The following VAMP3 variants were observed in gnomAD, a reference collection of about 807,000 sequenced individuals.
The protein encoded by VAMP3 is vesicle associated membrane protein 3.
In VAMP3, 11 loss-of-function variants were observed where a neutral mutation model predicts 18.1. The ratio of observed to expected loss-of-function variants is 0.61; its 90% CI spans 0.38 to 1.00. VAMP3 has a LOEUF of 1.00. VAMP3 is among the 50% of genes least tolerant of loss of function. VAMP3 has a pLI of 0.01. For synonymous variants in VAMP3, 49 were observed against 43.1 expected (o/e 1.14, Z -0.53); for missense variants, 122 against 127.3 (o/e 0.96, Z 0.20).
In VAMP3 at chr1:7,771,344, A is replaced by G. The variant is rs764013502; in HGVS notation, c.-40A>G. On this transcript the variant is annotated 5_prime_UTR_variant, in exon 1 of 5. Transcript: ENST00000054666. ...CGGTCCCAACTTCGCTTCTCTGCTG[A>G]CCCTCTCTCGTCGCCGCTGCCGCCG... 1.3e-5 allele frequency: 20 copies of G among 1,590,434 alleles called. 1 individual carries two copies. In the South Asian group the frequency reaches 2.1e-4, roughly 17 times the overall value.
In VAMP3 at chr1:7,771,399, C is replaced by T. The variant is rs2097050450; in HGVS notation, c.2+14C>T. The T allele has an allele frequency of 1.3e-6, 2 of 1,578,572 alleles. No homozygotes were observed. Among genetic ancestry groups the T allele is most frequent in the African/African-American group, 1.4e-5 (1 of 71,670 alleles). ...AGCTGCCAAAATGTGAGTGACGCTACGCGACGCGGGCGGCTTCGGGCCCCG... is the reference window on the plus strand; with the variant it reads ...AGCTGCCAAAATGTGAGTGACGCTATGCGACGCGGGCGGCTTCGGGCCCCG... On this transcript the variant is annotated intron_variant, in intron 1 of 4. Transcript: ENST00000054666.
rs565631119 is a variant in VAMP3, at chr1:7,777,008, C to T, written c.73-152C>T. ...GTTTTTAGTACTGAGACAGGGTTTCCCCATGTTGGCCAGGTTGGTCTCGAA... is the reference window on the plus strand; with the variant it reads ...GTTTTTAGTACTGAGACAGGGTTTCTCCATGTTGGCCAGGTTGGTCTCGAA... On this transcript the variant is annotated intron_variant, in intron 2 of 4. Coordinates refer to ENST00000054666, the MANE Select transcript of VAMP3 (RefSeq NM_004781.4). The T allele has an allele frequency of 2.7e-5, 19 of 705,044 alleles. No individual in the cohort carries two copies. The African/African-American group carries it at 3.4e-4, about 13-fold the overall frequency. The allele number at this position is 705,044 out of a possible 1,614,324, so 43.7% of individuals were successfully genotyped here.
At chr1:7,774,374 G>A (rs111692854) in intron 2 of VAMP3, among the ~76,000 whole-genome samples, 11,307 of 151,766 alleles carry the variant, frequency 0.075, 492 homozygotes, top group Middle Eastern at 0.2. Context: ...TTAGCCAAAG[G>A]AATTTTAAGG....
chr1:7,773,252 G>A lies in VAMP3; in HGVS notation c.3-190G>A, dbSNP rs562621300. The A allele has an allele frequency of 9.4e-5, 55 of 582,730 alleles. 1 individual carries two copies. The South Asian group carries it at 1.2e-3, about 13-fold the overall frequency. 36.1% of individuals were successfully genotyped at this position (582,730 alleles called of 1,614,324 possible). ...CCCTTTAGTAGGTGGGACAGTCTTGGAAATTATAGAGAAATTAGAAGAAAT... is the reference window on the plus strand; with the variant it reads ...CCCTTTAGTAGGTGGGACAGTCTTGAAAATTATAGAGAAATTAGAAGAAAT... On this transcript the variant is annotated intron_variant, in intron 1 of 4. Coordinates refer to ENST00000054666, the MANE Select transcript of VAMP3 (RefSeq NM_004781.4).
At chr1:7,775,282 CAT>C (rs1366903001) in intron 2 of VAMP3, among the ~76,000 whole-genome samples, 1 of 152,126 alleles carries the variant, frequency 6.6e-6, no homozygotes, top group Non-Finnish European at 1.5e-5. Flanking sequence ...CTTTATCAGA[CAT>C]GTGATTTGCA....
intron 2 of VAMP3, among the ~76,000 whole-genome samples, chr1:7,774,150 G>A (rs769362618): frequency 6.6e-6 from 1 of 152,190 alleles, no homozygotes; most frequent in African/African-American, 2.4e-5. Flanking sequence ...GTCACTGTCC[G>A]ACAAATATAT....
In VAMP3 at chr1:7,777,286, T is replaced by C; in HGVS notation, c.199T>C (p.Leu67=). The change falls in exon 3 of 5, where the codon TTG becomes CTG. Residue 67 remains leucine, a synonymous_variant. Coordinates refer to ENST00000054666, the MANE Select transcript of VAMP3 (RefSeq NM_004781.4). ...TCAATTTGAAACGAGCGCAGCCAAG[T>C]TGAAGAGGAAATATTGGTGGAAGAA... ...ASQFETSAAK[L]KRKYWWKNCK... 1 of 1,613,518 alleles carries C rather than the reference T, an allele frequency of 6.2e-7. No individual in the cohort carries two copies.
At chr1:7,778,224 C>G in intron 4 of VAMP3, 55 bp downstream of exon 4, 3 of 1,588,262 alleles carry the variant, frequency 1.9e-6, no homozygotes, top group Non-Finnish European at 2.6e-6. Context: ...TGTTCACAGA[C>G]CATTGATTTT....
intron 2 of VAMP3, among the ~76,000 whole-genome samples, chr1:7,774,640 A>G (rs2097053277): frequency 6.6e-6 from 1 of 152,208 alleles, no homozygotes; most frequent in Non-Finnish European, 1.5e-5. Context: ...GGTATGTCAT[A>G]TAAAAGGAAT....
Position 7,779,119 on chromosome 1 carries a change from C to T in VAMP3, c.284-507C>T, listed in dbSNP as rs542010971. On this transcript the variant is annotated intron_variant, in intron 4 of 4. Coordinates refer to ENST00000054666, the MANE Select transcript of VAMP3 (RefSeq NM_004781.4). Reference sequence around the variant, plus strand: ...CTGAGGCAGGAGAATGGCATGAACCCGGGAGGCGGAGCTTGCAGTGAGCCA... The same window carrying T: ...CTGAGGCAGGAGAATGGCATGAACCTGGGAGGCGGAGCTTGCAGTGAGCCA... Among the ~76,000 whole-genome samples the T allele has an allele frequency of 2.6e-4, 40 of 152,118 alleles. No individual in the cohort carries two copies. In the East Asian group the frequency reaches 7.0e-3, roughly 27 times the overall value.
At chr1:7,775,934 A>G (rs1558353475) in intron 2 of VAMP3, among the ~76,000 whole-genome samples, 2 of 152,192 alleles carry the variant, frequency 1.3e-5, no homozygotes, top group Non-Finnish European at 2.9e-5. Context: ...TATTGAAAAG[A>G]CTGTTGGATG....
intron 1 of VAMP3, 74 bp downstream of exon 1, chr1:7,771,459 C>G: frequency 7.0e-7 from 1 of 1,423,240 alleles, no homozygotes; most frequent in East Asian, 3.0e-5. Flanking sequence ...GCCATACTGC[C>G]CAGTTGCCGC....
Position 7,779,916 on chromosome 1 carries a change from T to C in VAMP3, c.*271T>C. 1 of 411,946 alleles carries C rather than the reference T, an allele frequency of 2.4e-6. No homozygotes were observed. The highest frequency in any genetic ancestry group is 4.3e-6 in the Non-Finnish European group (1 of 230,818). The allele number at this position is 411,946 out of a possible 1,614,324, so 25.5% of individuals were successfully genotyped here. On this transcript the variant is annotated 3_prime_UTR_variant, in exon 5 of 5. Coordinates refer to ENST00000054666, the MANE Select transcript of VAMP3 (RefSeq NM_004781.4). ...AAGTTCCAGAGTGCTATAATCTAGATGTAATGTTGTCACTAATTAATTGCC... is the reference window on the plus strand; with the variant it reads ...AAGTTCCAGAGTGCTATAATCTAGACGTAATGTTGTCACTAATTAATTGCC...
At chr1:7,774,526 C>G (rs1271647872) in intron 2 of VAMP3, among the ~76,000 whole-genome samples, 6 of 152,156 alleles carry the variant, frequency 3.9e-5, no homozygotes, top group Non-Finnish European at 8.8e-5. Flanking sequence ...TTCATCACCC[C>G]AGAACACCTC....
At chr1:7,774,428 T>A (rs183646066) in intron 2 of VAMP3, among the ~76,000 whole-genome samples, 1 of 152,128 alleles carries the variant, frequency 6.6e-6, no homozygotes, top group African/African-American at 2.4e-5. Context: ...AACATACAAC[T>A]AAACATTTTA....
intron 2 of VAMP3, among the ~76,000 whole-genome samples, chr1:7,776,015 T>G (rs1326505104): frequency 6.6e-6 from 1 of 152,248 alleles, no homozygotes; most frequent in East Asian, 1.9e-4. Flanking sequence ...TCAGTTCTAT[T>G]CCATCAGTCT....
At chr1:7,771,409 G>A (rs1460411596) in intron 1 of VAMP3, 24 bp downstream of exon 1, 1 of 1,562,024 alleles carries the variant, frequency 6.4e-7, no homozygotes, top group Non-Finnish European at 8.6e-7. Flanking sequence ...CGCGACGCGG[G>A]CGGCTTCGGG....
In VAMP3 at chr1:7,777,300, T is replaced by C. The variant is rs1326476935; in HGVS notation, c.213T>C (p.Tyr71=). 3.7e-6 allele frequency: 6 copies of C among 1,612,494 alleles called. No homozygotes were observed. The highest frequency in any genetic ancestry group is 5.1e-6 in the Non-Finnish European group (6 of 1,179,258). Residue 71 remains tyrosine, a synonymous_variant, in exon 3 of 5, where the codon TAT becomes TAC. Coordinates refer to ENST00000054666, the MANE Select transcript of VAMP3 (RefSeq NM_004781.4). ...GCGCAGCCAAGTTGAAGAGGAAATA[T>C]TGGTGGAAGAATTGCAAGGTAATTA... ...ETSAAKLKRK[Y]WWKNCKMWAI...
chr1:7,778,929 C>T (rs577951770), intron 4 of VAMP3, among the ~76,000 whole-genome samples: 78 of 152,224 alleles, frequency 5.1e-4, no homozygotes, highest in Non-Finnish European at 9.3e-4. Flanking sequence ...GGCTTGGTGG[C>T]GCACGCCTGT....
Sources: allele counts gnomAD v4.1 joint callset (sites outside exome capture counted in the v4.1 genomes callset), GRCh38; gene constraint gnomAD v4.1.1; transcripts MANE v1.5; gene names NCBI Gene and HGNC (gene_info 2026-07-23, HGNC 2026-07-21).